The following RGS22 variants were observed in gnomAD, a reference collection of about 807,000 sequenced individuals.
RGS22 encodes regulator of G-protein signaling 22.
Under a neutral mutation model 172.9 loss-of-function variants are expected in RGS22, and 148 were observed. The ratio of observed to expected loss-of-function variants is 0.86; its 90% confidence interval spans 0.75 to 0.98. RGS22 has a LOEUF of 0.98. RGS22 is among the 50% of genes least tolerant of loss of function. The probability of loss-of-function intolerance (pLI) is 0.00; values close to 1 mark genes in which losing one functional copy is unlikely to be tolerated. For missense variants in RGS22, 1,347 were observed against 1,440.8 expected, an observed-to-expected ratio of 0.93 and a Z score of 1.05; for synonymous variants, 458 against 480.2, an observed-to-expected ratio of 0.95 and a Z score of 0.60.
At chr8:100,050,112 C>T (rs1409439415) in intron 10 of RGS22, among the ~76,000 whole-genome samples, 2 of 151,634 alleles carry the variant, frequency 1.3e-5, no homozygotes, top group Non-Finnish European at 2.9e-5. Flanking sequence ...CCCAGAACTA[C>T]TGGATTTTGA....
chr8:100,105,492 T>A, intron 1 of RGS22, 90 bp from the exon 2 acceptor site: 2 of 1,073,222 alleles, frequency 1.9e-6, no homozygotes, highest in Non-Finnish European at 2.9e-6. Context: ...TAGCCCTACG[T>A]TATACACAGG....
intron 12 of RGS22, among the ~76,000 whole-genome samples, chr8:100,040,441 T>C (rs1302891123): frequency 6.6e-6 from 1 of 152,126 alleles, no homozygotes; most frequent in Non-Finnish European, 1.5e-5. Context: ...ATATTTAATG[T>C]TATTTTAGCC....
intron 2 of RGS22, among the ~76,000 whole-genome samples, chr8:100,104,229 G>C (rs1323417779): frequency 6.6e-6 from 1 of 152,196 alleles, no homozygotes; most frequent in Non-Finnish European, 1.5e-5. Context: ...GAGACAGGAA[G>C]ATCACCTAAG....
chr8:100,099,926 T>C (rs1258770796), intron 2 of RGS22, among the ~76,000 whole-genome samples: 1 of 152,202 alleles, frequency 6.6e-6, no homozygotes, highest in African/African-American at 2.4e-5. Context: ...TCAGCCCCAG[T>C]AGGCTCTCAC....
chr8:100,055,845 G>C (rs1480150911), intron 9 of RGS22, among the ~76,000 whole-genome samples: 1 of 152,132 alleles, frequency 6.6e-6, no homozygotes, highest in Non-Finnish European at 1.5e-5. Context: ...ATATTACCCA[G>C]TCTCGGGTAT....
chr8:100,058,608 G>A (rs1429183263), intron 9 of RGS22, among the ~76,000 whole-genome samples: 1 of 152,086 alleles, frequency 6.6e-6, no homozygotes, highest in Non-Finnish European at 1.5e-5. Flanking sequence ...TTAACGTGCT[G>A]AAGGAAAAAA....
At chr8:100,074,988 T>A (rs1483167040) in intron 4 of RGS22, among the ~76,000 whole-genome samples, 1 of 152,162 alleles carries the variant, frequency 6.6e-6, no homozygotes, top group African/African-American at 2.4e-5. Flanking sequence ...GCCAGGATGG[T>A]CTCGATCTCC....
At position 100,059,690 on chromosome 8, in the gene RGS22, G is replaced by T. The variant is rs76022463; in HGVS notation, c.1514+2901C>A. ...AGAGATAGGTCCCAATGCAACAATA[G>T]CTGGAGACTTCAACCTCTGACTTTC... On this transcript the variant is annotated intron_variant, in intron 9 of 27. Transcript: ENST00000360863. Among the ~76,000 whole-genome samples, 51 of 152,256 alleles carry T rather than the reference G, an allele frequency of 3.3e-4. No homozygotes were observed. In the East Asian group the frequency reaches 9.8e-3, roughly 29 times the overall value.
intron 2 of RGS22, among the ~76,000 whole-genome samples, chr8:100,096,656 G>GTTTTTTTT (rs1812992845): frequency 6.9e-6 from 1 of 144,936 alleles, no homozygotes. Context: ...TAGGCGCTTA[G>GTTTTTTTT]CTAATTTAAA....
chr8:100,053,773 C>T (rs371608174), intron 9 of RGS22, among the ~76,000 whole-genome samples: 31 of 151,946 alleles, frequency 2.0e-4, no homozygotes, highest in Admixed American at 2.0e-3. Flanking sequence ...GTAGCTGGGA[C>T]TACAGGCGTG....
chr8:100,086,004 T>C (rs1048606467), intron 3 of RGS22, among the ~76,000 whole-genome samples: 1 of 152,112 alleles, frequency 6.6e-6, no homozygotes, highest in Non-Finnish European at 1.5e-5. Flanking sequence ...TAATATATTC[T>C]GGAAATTAAG....
chr8:100,047,334 T>C, intron 11 of RGS22, 129 bp downstream of exon 11: 1 of 759,338 alleles, frequency 1.3e-6, no homozygotes, highest in Non-Finnish European at 2.0e-6. Flanking sequence ...CTCTAATACA[T>C]ATCATTGAAA....
At chr8:100,084,112 C>T (rs1243448336) in intron 3 of RGS22, among the ~76,000 whole-genome samples, 1 of 152,206 alleles carries the variant, frequency 6.6e-6, no homozygotes, top group Non-Finnish European at 1.5e-5. Context: ...GCTGGGATTA[C>T]AGGCGTGAGC....
At chr8:100,088,492 C>T (rs1038962976) in intron 3 of RGS22, among the ~76,000 whole-genome samples, 5 of 151,992 alleles carry the variant, frequency 3.3e-5, no homozygotes, top group African/African-American at 7.2e-5. Context: ...AATAAGCAAA[C>T]ACTTGTCCAT....
intron 21 of RGS22, among the ~76,000 whole-genome samples, chr8:99,983,250 T>C (rs957342683): frequency 6.6e-6 from 1 of 152,230 alleles, no homozygotes; most frequent in South Asian, 2.1e-4. Context: ...TTGTGAATAG[T>C]GCAGTGATGA....
chr8:100,052,589 C>A (rs796658474), intron 10 of RGS22, among the ~76,000 whole-genome samples: 2 of 152,188 alleles, frequency 1.3e-5, no homozygotes, highest in African/African-American at 4.8e-5. Context: ...CATGAGCCAC[C>A]GCGCCCGGCC....
At chr8:99,966,180 G>A (rs1202463646) in intron 23 of RGS22, among the ~76,000 whole-genome samples, 2 of 152,158 alleles carry the variant, frequency 1.3e-5, no homozygotes, top group Non-Finnish European at 2.9e-5. Context: ...GCAACAGAAA[G>A]TCAAAAACCA....
In RGS22 at chr8:99,987,520, C is replaced by A; in HGVS notation, c.3118G>T (p.Ala1040Ser). ...TTTTCCAATAAATCTCCTTTTAGAG[C>A]CACAAAACGTTGAAATTGTCTTGAA... ...VTSRQFQRFV[A>S]LKGDLLENGL... The change falls in exon 21 of 28, where the codon GCT (alanine) becomes TCT (serine). Residue 1040 changes from alanine to serine, a missense_variant. Physicochemically the swap from Ala to Ser is moderately conservative, Grantham distance 99 (BLOSUM62 1). Coordinates refer to ENST00000360863, the MANE Select transcript of RGS22 (RefSeq NM_015668.5). 6.2e-7 allele frequency: 1 copy of A among 1,611,642 alleles called. No homozygotes were observed. Among genetic ancestry groups the A allele is most frequent in the Non-Finnish European group, 8.5e-7 (1 of 1,178,694 alleles).
In RGS22 at chr8:100,071,391, T is replaced by C. The variant is rs377735365; in HGVS notation, c.572A>G (p.Lys191Arg). The change falls in exon 6 of 28, where the codon AAG becomes AGG. Residue 191 changes from lysine to arginine, a missense_variant. Physicochemically the swap from Lys to Arg is conservative, Grantham distance 26 (BLOSUM62 2). Transcript: ENST00000360863. ...TEEDNLVIMK[K>R]FYVSLGEASY... is the part of the protein sequence containing the mutation. ...TACCTCACCAAGTGATACATAGAAC[T>C]TTTTCATAATTACAAGATTATCTTC... 1.1e-4 allele frequency: 171 copies of C among 1,611,052 alleles called. 1 individual carries two copies. Among genetic ancestry groups the C allele is most frequent in the Non-Finnish European group, 1.4e-4 (161 of 1,178,750 alleles).
Sources: gnomAD v4.1 joint callset for allele counts (sites outside exome capture counted in the v4.1 genomes callset) on GRCh38, gnomAD v4.1.1 for gene constraint, MANE v1.5 for transcripts, NCBI Gene and HGNC (gene_info 2026-07-23, HGNC 2026-07-21) for gene names.